Variants in MTOR observed in about 807,000 individuals in gnomAD.
MTOR encodes mechanistic target of rapamycin kinase.
A neutral mutation model predicts 319.8 loss-of-function variants in MTOR; 70 were observed. The ratio of observed to expected loss-of-function variants is 0.22; its 90% confidence interval spans 0.18 to 0.27. MTOR has a LOEUF of 0.27. Ranked by LOEUF, MTOR falls within the 10% of genes least tolerant of loss-of-function variation. MTOR has a pLI of 1.00. For missense variants in MTOR, 1,890 were observed against 3,274.4 expected, an observed-to-expected ratio of 0.58 and a Z score of 10.32; for synonymous variants, 1,183 against 1,211.4, an observed-to-expected ratio of 0.98 and a Z score of 0.49.
Position 11,146,805 on chromosome 1 carries a change from CAT to C in MTOR, c.4571-16_4571-15del, listed in dbSNP as rs779340098. 1.4e-4 allele frequency: 216 copies of C among 1,591,304 alleles called. No individual in the cohort carries two copies. Among genetic ancestry groups the C allele is most frequent in the Non-Finnish European group, 1.8e-4 (206 of 1,159,494 alleles). ...TGTCCCACTGACCTATACACACACACATAGACAGAAAGCATCAAGGGGGTTGG... is the reference window on the plus strand; with the variant it reads ...TGTCCCACTGACCTATACACACACACAGACAGAAAGCATCAAGGGGGTTGG... On this transcript the variant is annotated splice_polypyrimidine_tract_variant and intron_variant, in intron 31 of 57. Transcript: ENST00000361445.
chr1:11,108,098 T>C, intron 57 of MTOR, 83 bp downstream of exon 57: 1 of 1,104,768 alleles, frequency 9.1e-7, no homozygotes, highest in Non-Finnish European at 1.4e-6. Flanking sequence ...TCACCAAATC[T>C]CTTTTTGCTA....
Position 11,238,413 on chromosome 1 carries a change from A to G in MTOR, c.1991T>C (p.Ile664Thr). ...CTGGCAAGCCTTACCAGGATCTGTTATCCCAACTACGAGCAGTTTGCTAAG... is the reference window on the plus strand; with the variant it reads ...CTGGCAAGCCTTACCAGGATCTGTTGTCCCAACTACGAGCAGTTTGCTAAG... ...DVLSKLLVVG[I>T]TDPDPDIRYC... The change falls in exon 12 of 58, where the codon ATA (isoleucine) becomes ACA (threonine). Residue 664 changes from isoleucine to threonine, a missense_variant. Physicochemically the swap from Ile to Thr is moderately conservative, Grantham distance 89 (BLOSUM62 -1). Around this residue, in one of 15 missense-constraint regions of MTOR, gnomAD observed 377 missense variants for 653.9 expected, o/e 0.58. Transcript: ENST00000361445. The G allele has an allele frequency of 1.2e-6, 2 of 1,614,006 alleles. No individual in the cohort carries two copies. The highest frequency in any genetic ancestry group is 8.5e-7 in the Non-Finnish European group (1 of 1,180,028).
At chr1:11,246,164 C>A (rs1182360502) in intron 8 of MTOR, among the ~76,000 whole-genome samples, 1 of 152,166 alleles carries the variant, frequency 6.6e-6, no homozygotes, top group South Asian at 2.1e-4. Flanking sequence ...AATAAAACAA[C>A]CTTGACTAAC....
In MTOR at chr1:11,121,159, C is replaced by G. The variant is rs550311595; in HGVS notation, c.6933+87G>C. The G allele has an allele frequency of 1.3e-4, 200 of 1,557,070 alleles. No individual in the cohort carries two copies. In the African/African-American group the frequency reaches 2.6e-3, roughly 20 times the overall value. On this transcript the variant is annotated intron_variant, in intron 49 of 57. Transcript: ENST00000361445. The surrounding 1 kb of genome is among the most constrained non-coding windows in gnomAD (Gnocchi z 4.9). ...AGCCAATCACAGCAAAGAAGAGCCG[C>G]TGTGTGCACATGAACAGATGGGAGG...
chr1:11,147,222 A>G (rs1415794059), intron 31 of MTOR, among the ~76,000 whole-genome samples: 1 of 152,226 alleles, frequency 6.6e-6, no homozygotes, highest in Non-Finnish European at 1.5e-5. Context: ...CAAACAATTG[A>G]AAATAGCCAT....
intron 15 of MTOR, 185 bp downstream of exon 15, chr1:11,233,213 T>C (rs1647080614): frequency 1.2e-6 from 1 of 813,416 alleles, no homozygotes; most frequent in Non-Finnish European, 2.0e-6. Flanking sequence ...ATCTGGAGAG[T>C]TGGACATGTT....
chr1:11,194,496 C>T, intron 28 of MTOR: 3 of 1,614,170 alleles, frequency 1.9e-6, no homozygotes, highest in Non-Finnish European at 2.5e-6. Context: ...CTGAGTATAG[C>T]CACTTTGTTT....
In MTOR at chr1:11,231,062, G is replaced by A. The variant is rs746659590; in HGVS notation, c.2650-8C>T. 14 of 1,614,098 alleles carry A rather than the reference G, an allele frequency of 8.7e-6. No individual in the cohort carries two copies. The highest frequency in any genetic ancestry group is 1.6e-4 in the Middle Eastern group (1 of 6,062). ...CCCTAACACACGGATGGCCTGCGTG[G>A]GAAAGGGGAGGGAAAAAAGAAAACA... On this transcript the variant is annotated splice_region_variant and splice_polypyrimidine_tract_variant and intron_variant, in intron 17 of 57. Transcript: ENST00000361445.
Position 11,107,422 on chromosome 1 carries a change from G to A in MTOR, c.*63C>T, listed in dbSNP as rs79536981. ...TTTCTCACCATGGTTTCAGTTTAGT[G>A]GAAGCATTTACTAAAGTACAAAAGC... On this transcript the variant is annotated 3_prime_UTR_variant, in exon 58 of 58. Transcript: ENST00000361445. The A allele has an allele frequency of 6.2e-4, 975 of 1,581,448 alleles. 5 individuals carry two copies. The African/African-American group carries it at 0.012, about 19-fold the overall frequency.
intron 30 of MTOR, among the ~76,000 whole-genome samples, chr1:11,155,322 C>T (rs1367657737): frequency 6.6e-6 from 1 of 152,086 alleles, no homozygotes; most frequent in Non-Finnish European, 1.5e-5. Flanking sequence ...CAGCACATTG[C>T]CGTCAATGTA....
intron 3 of MTOR, 69 bp downstream of exon 3, chr1:11,258,416 G>T: frequency 1.9e-6 from 2 of 1,040,166 alleles, no homozygotes; most frequent in Non-Finnish European, 2.9e-6. Flanking sequence ...TCCAGTAAGT[G>T]GCAGACACAG....
chr1:11,247,903 T>C lies in MTOR; in HGVS notation c.1032A>G (p.Gly344=), dbSNP rs762523375. ...TAGCTGGACTGGGGGAGGTCCCAAA[T>C]CCCATGAGGCCTTGGTGAGAGCTGT... The part of the protein sequence containing the change: ...LGYSSHQGLM[G]FGTSPSPAKS... The change falls in exon 7 of 58, where the codon GGA becomes GGG. Residue 344 remains glycine, a synonymous_variant. Transcript: ENST00000361445. 9.9e-6 allele frequency: 16 copies of C among 1,613,762 alleles called. No homozygotes were observed. Among genetic ancestry groups the C allele is most frequent in the South Asian group, 4.4e-5 (4 of 91,064 alleles).
At chr1:11,187,621 G>A (rs1359085959) in intron 28 of MTOR, among the ~76,000 whole-genome samples, 1 of 152,220 alleles carries the variant, frequency 6.6e-6, no homozygotes, top group Non-Finnish European at 1.5e-5. Flanking sequence ...ATACATGACT[G>A]TATGGTACAT....
In MTOR at chr1:11,118,228, A is replaced by ATTTTTTTTTTTT. The variant is rs771785403; in HGVS notation, c.6934-1154_6934-1143dup. Among the ~76,000 whole-genome samples the ATTTTTTTTTTTT allele has an allele frequency of 4.6e-4, 55 of 120,746 alleles. 2 individuals carry two copies. Among genetic ancestry groups the ATTTTTTTTTTTT allele is most frequent in the African/African-American group, 2.0e-3 (50 of 25,168 alleles). The allele number at this position is 120,746 out of a possible 152,430, so 79.2% of individuals were successfully genotyped here. On this transcript the variant is annotated intron_variant, in intron 49 of 57. Transcript: ENST00000361445. ...ACGCCTTAAATTCCAAACTTAGTTA[A>ATTTTTTTTTTTT]TTTTTTTTTTTTTTTTTTTTTTTTT... is the stretch of plus-strand genomic sequence containing the variant.
intron 30 of MTOR, 47 bp downstream of exon 30, chr1:11,157,105 G>A (rs1471183203): frequency 6.5e-7 from 1 of 1,533,386 alleles, no homozygotes; most frequent in Non-Finnish European, 8.8e-7. Flanking sequence ...AGATCAAAGA[G>A]ACGAAGTCTC....
chr1:11,257,509 G>A (rs1306109682), intron 3 of MTOR, among the ~76,000 whole-genome samples: 1 of 138,150 alleles, frequency 7.2e-6, no homozygotes, highest in African/African-American at 2.6e-5. Context: ...GTTGCAGTAA[G>A]CCGAGACTGC....
At chr1:11,180,274 C>T (rs1004971165) in intron 28 of MTOR, among the ~76,000 whole-genome samples, 3 of 151,922 alleles carry the variant, frequency 2.0e-5, no homozygotes, top group Admixed American at 2.0e-4. Flanking sequence ...AGCAGAGGTA[C>T]AGAAAAAGAA....
At chr1:11,239,782 A>G (rs1647748404) in intron 11 of MTOR, among the ~76,000 whole-genome samples, 2 of 151,930 alleles carry the variant, frequency 1.3e-5, no homozygotes, top group African/African-American at 2.4e-5. Context: ...ACACGCGCCT[A>G]TAGTCCCAGC....
chr1:11,164,192 G>A (rs530876331), intron 29 of MTOR, among the ~76,000 whole-genome samples: 3 of 151,852 alleles, frequency 2.0e-5, no homozygotes, highest in South Asian at 2.1e-4. Flanking sequence ...AAAATTAGCC[G>A]GGCTTGGTGG....
Sources: allele counts gnomAD v4.1 joint callset (sites outside exome capture counted in the v4.1 genomes callset), GRCh38; gene constraint gnomAD v4.1.1; regional missense constraint gnomAD v4.1.1; non-coding constraint Gnocchi (gnomAD v3.1); transcripts MANE v1.5; gene names NCBI Gene and HGNC (gene_info 2026-07-23, HGNC 2026-07-21).